ANKS1B: variants seen among roughly 807,000 people sequenced by gnomAD.
ANKS1B encodes the protein ankyrin repeat and sterile alpha motif domain-containing protein 1B.
Under a neutral mutation model 148.3 loss-of-function variants are expected in ANKS1B, and 36 were observed. The ratio of observed to expected loss-of-function variants is 0.24; its 90% CI spans 0.19 to 0.32. The LOEUF is 0.32. Ranked by LOEUF, ANKS1B falls within the 10% of genes least tolerant of loss-of-function variation. The probability of loss-of-function intolerance (pLI) is 1.00; values close to 1 mark genes in which losing one functional copy is unlikely to be tolerated. For synonymous variants in ANKS1B, 542 were observed against 560.8 expected, an observed-to-expected ratio of 0.97 and a Z score of 0.47; for missense variants, 1,157 against 1,542.6, an observed-to-expected ratio of 0.75 and a Z score of 4.19.
intron 10 of ANKS1B, among the ~76,000 whole-genome samples, chr12:99,452,090 G>A (rs1351843579): frequency 6.6e-6 from 1 of 152,000 alleles, no homozygotes; most frequent in African/African-American, 2.4e-5. Context: ...AGGGCCAGAT[G>A]GTAAATATTG....
intron 1 of ANKS1B, among the ~76,000 whole-genome samples, chr12:99,870,232 T>A (rs552781879): frequency 1.8e-4 from 27 of 152,334 alleles, no homozygotes; most frequent in African/African-American, 6.5e-4. Context: ...CTTGGGATAA[T>A]GTCCTCCAGC....
chr12:98,967,018 C>T (rs544509564), intron 17 of ANKS1B, among the ~76,000 whole-genome samples: 2 of 152,058 alleles, frequency 1.3e-5, no homozygotes, highest in Admixed American at 1.3e-4. Context: ...TGCACATGTA[C>T]CCTAGAACTT....
At chr12:99,770,556 C>G (rs1446134272) in intron 8 of ANKS1B, among the ~76,000 whole-genome samples, 2 of 152,042 alleles carry the variant, frequency 1.3e-5, no homozygotes, top group Non-Finnish European at 2.9e-5. Context: ...AGAAAAGGGT[C>G]AAAGTAATTT....
intron 8 of ANKS1B, among the ~76,000 whole-genome samples, chr12:99,705,597 T>C (rs1034290656): frequency 6.6e-6 from 1 of 152,112 alleles, no homozygotes; most frequent in African/African-American, 2.4e-5. Flanking sequence ...ATCCAGTCTA[T>C]GAAGCAAGAG....
At chr12:99,583,100 A>C (rs975539041) in intron 9 of ANKS1B, among the ~76,000 whole-genome samples, 2 of 152,180 alleles carry the variant, frequency 1.3e-5, no homozygotes, top group African/African-American at 4.8e-5. Flanking sequence ...AAGATGGTGA[A>C]GGATACAACA....
intron 14 of ANKS1B, among the ~76,000 whole-genome samples, chr12:99,168,746 T>C (rs562990388): frequency 6.6e-6 from 1 of 152,248 alleles, no homozygotes; most frequent in Admixed American, 6.5e-5. Flanking sequence ...CTGCTCTATA[T>C]TGTAATGCCA....
At chr12:98,825,429 T>C (rs1232050322) in intron 19 of ANKS1B, among the ~76,000 whole-genome samples, 1 of 152,158 alleles carries the variant, frequency 6.6e-6, no homozygotes, top group Admixed American at 6.5e-5. Flanking sequence ...TGCCCCCAGG[T>C]AATACTGCTT....
At chr12:99,160,869 G>T (rs1473354059) in intron 14 of ANKS1B, among the ~76,000 whole-genome samples, 1 of 151,942 alleles carries the variant, frequency 6.6e-6, no homozygotes, top group Non-Finnish European at 1.5e-5. Flanking sequence ...TTTATATCTG[G>T]GTCCTCTATT....
intron 15 of ANKS1B, among the ~76,000 whole-genome samples, chr12:99,090,406 T>C: frequency 6.6e-6 from 1 of 152,276 alleles, no homozygotes; most frequent in East Asian, 1.9e-4. Context: ...AGTTGGATAA[T>C]GTTATTTATT....
At chr12:99,909,855 T>C (rs953520334) in intron 1 of ANKS1B, among the ~76,000 whole-genome samples, 1 of 152,114 alleles carries the variant, frequency 6.6e-6, no homozygotes, top group African/African-American at 2.4e-5. Context: ...CTAGATCACA[T>C]TTGGGTAATG....
chr12:99,033,883 C>T (rs779938566), intron 17 of ANKS1B, among the ~76,000 whole-genome samples: 12 of 152,168 alleles, frequency 7.9e-5, no homozygotes, highest in South Asian at 2.1e-4. Flanking sequence ...TAAAAACTCA[C>T]GACTGGTAGT....
At chr12:99,270,906 C>T (rs958190489) in intron 12 of ANKS1B, among the ~76,000 whole-genome samples, 2 of 152,112 alleles carry the variant, frequency 1.3e-5, no homozygotes, top group African/African-American at 4.8e-5. Context: ...TCAATTAGCA[C>T]ATTAACGATT....
At chr12:99,202,454 T>C (rs1164205135) in intron 14 of ANKS1B, among the ~76,000 whole-genome samples, 1 of 152,190 alleles carries the variant, frequency 6.6e-6, no homozygotes, top group Non-Finnish European at 1.5e-5. Flanking sequence ...GTGGCTGAAA[T>C]GATGGTTAGT....
chr12:99,671,806 T>A (rs1221738791), intron 8 of ANKS1B, among the ~76,000 whole-genome samples: 1 of 152,130 alleles, frequency 6.6e-6, no homozygotes, highest in Non-Finnish European at 1.5e-5. Context: ...CTACTCCAGA[T>A]ATTGCCAAAT....
At chr12:99,623,024 T>C (rs1366090219) in intron 9 of ANKS1B, among the ~76,000 whole-genome samples, 1 of 151,974 alleles carries the variant, frequency 6.6e-6, no homozygotes, top group Non-Finnish European at 1.5e-5. Flanking sequence ...GCAAACTGAA[T>C]TCACCTGCAC....
chr12:99,583,367 G>A (rs2153229733), intron 9 of ANKS1B, among the ~76,000 whole-genome samples: 1 of 152,260 alleles, frequency 6.6e-6, no homozygotes, highest in Non-Finnish European at 1.5e-5. Context: ...ATAGAATGGG[G>A]AAGGAAGAAT....
At chr12:99,073,675 G>C (rs2046953826) in intron 16 of ANKS1B, among the ~76,000 whole-genome samples, 1 of 152,156 alleles carries the variant, frequency 6.6e-6, no homozygotes, top group Non-Finnish European at 1.5e-5. Context: ...GAGTTCAGTG[G>C]TCCATGGAGG....
At chr12:99,566,977 T>C (rs997035785) in intron 9 of ANKS1B, among the ~76,000 whole-genome samples, 2 of 152,150 alleles carry the variant, frequency 1.3e-5, no homozygotes, top group African/African-American at 4.8e-5. Flanking sequence ...CATAACATCT[T>C]GGTGGCTTAA....
intron 17 of ANKS1B, among the ~76,000 whole-genome samples, chr12:98,941,677 C>T (rs2099836969): frequency 6.6e-6 from 1 of 152,192 alleles, no homozygotes; most frequent in Admixed American, 6.5e-5. Flanking sequence ...ATCTGCCCCT[C>T]GTGGTAGCGG....
Sources: allele counts gnomAD v4.1 joint callset (sites outside exome capture counted in the v4.1 genomes callset), GRCh38; gene constraint gnomAD v4.1.1; transcripts MANE v1.5; gene names NCBI Gene and HGNC (gene_info 2026-07-23, HGNC 2026-07-21).